The following CACNA2D3 variants were observed in gnomAD, a reference collection of about 807,000 sequenced individuals.
CACNA2D3 encodes voltage-dependent calcium channel subunit alpha-2/delta-3.
CACNA2D3 carries 60 observed loss-of-function variants against 160.6 expected under a neutral mutation model. That is an observed-to-expected ratio of 0.37 (90% confidence interval 0.30 to 0.46). The LOEUF is 0.46. CACNA2D3 is among the 20% of genes least tolerant of loss of function. CACNA2D3 has a pLI of 1.00. For synonymous variants in CACNA2D3, 558 were observed against 492.9 expected (o/e 1.13, Z -1.75); for missense variants, 1,205 against 1,365.0 (o/e 0.88, Z 1.85).
chr3:54,536,209 A>G (rs1701886988), intron 5 of CACNA2D3, among the ~76,000 whole-genome samples: 1 of 152,194 alleles, frequency 6.6e-6, no homozygotes, highest in Admixed American at 6.5e-5. Context: ...GGCATGCCGC[A>G]TACACGAAAC....
intron 4 of CACNA2D3, among the ~76,000 whole-genome samples, chr3:54,388,551 T>C (rs1699227866): frequency 6.6e-6 from 1 of 152,122 alleles, no homozygotes; most frequent in South Asian, 2.1e-4. Flanking sequence ...CTGAGGATGG[T>C]TGGAAACATT....
chr3:54,141,094 C>CGCGCGAGCGCGCACGT (rs768348036), intron 2 of CACNA2D3, among the ~76,000 whole-genome samples: 1 of 81,892 alleles, frequency 1.2e-5, no homozygotes, highest in Non-Finnish European at 3.0e-5. Context: ...TGTGCGCGCG[C>CGCGCGAGCGCGCACGT]GCGCGTGTGT....
intron 29 of CACNA2D3, among the ~76,000 whole-genome samples, chr3:54,984,328 T>A (rs1702569037): frequency 6.7e-6 from 1 of 148,150 alleles, no homozygotes; most frequent in African/African-American, 2.5e-5. Context: ...GAAGACAAAC[T>A]GTAATTCATC....
At chr3:55,042,804 C>G (rs1324545789) in intron 35 of CACNA2D3, among the ~76,000 whole-genome samples, 2 of 152,082 alleles carry the variant, frequency 1.3e-5, no homozygotes, top group African/African-American at 4.8e-5. Context: ...AATCCATTCC[C>G]CCAACCACAG....
At chr3:54,298,677 G>A (rs1703396230) in intron 2 of CACNA2D3, among the ~76,000 whole-genome samples, 1 of 152,080 alleles carries the variant, frequency 6.6e-6, no homozygotes, top group African/African-American at 2.4e-5. Flanking sequence ...GTGCATACCT[G>A]TAGTCCCAGC....
Position 54,149,709 on chromosome 3 carries a change from A to G in CACNA2D3, c.204+26115A>G, listed in dbSNP as rs1290959754. Among the ~76,000 whole-genome samples, 3 of 152,104 alleles carry G rather than the reference A, an allele frequency of 2.0e-5. No homozygotes were observed. In the East Asian group the frequency reaches 5.8e-4, roughly 29 times the overall value. On this transcript the variant is annotated intron_variant, in intron 2 of 37. Transcript: ENST00000474759. ...ACGAGGAGCAGCTTGTAGGGTGAGGACAGCAAGCTCGGTCCCCAGTGTGAT... is the reference window on the plus strand; with the variant it reads ...ACGAGGAGCAGCTTGTAGGGTGAGGGCAGCAAGCTCGGTCCCCAGTGTGAT...
Position 54,451,964 on chromosome 3 carries a change from C to T in CACNA2D3, c.382-51528C>T, listed in dbSNP as rs183963683. ...CTCCAGTGCCCTTTCCTCCTGCATC[C>T]TCCAGTGTCTAACAACTTTCCTCCA... On this transcript the variant is annotated intron_variant, in intron 4 of 37. Transcript: ENST00000474759. Among the ~76,000 whole-genome samples, 655 of 152,304 alleles carry T rather than the reference C, an allele frequency of 4.3e-3. 24 individuals are homozygous for T. Among genetic ancestry groups the T allele is most frequent in the Admixed American group, 0.04 (614 of 15,292 alleles).
chr3:54,754,641 T>G (rs923348576), intron 12 of CACNA2D3, among the ~76,000 whole-genome samples: 1 of 152,098 alleles, frequency 6.6e-6, no homozygotes, highest in Admixed American at 6.5e-5. Context: ...AAAAAATAGG[T>G]AAGTTGACTC....
intron 4 of CACNA2D3, among the ~76,000 whole-genome samples, chr3:54,447,571 T>TTAAA (rs1440091696): frequency 6.6e-6 from 1 of 152,188 alleles, no homozygotes; most frequent in African/African-American, 2.4e-5. Context: ...GAGCTTTTGT[T>TTAAA]TATTTAGATT....
chr3:54,123,622 A>C (rs756470239), intron 2 of CACNA2D3, 28 bp downstream of exon 2: 30 of 1,583,242 alleles, frequency 1.9e-5, no homozygotes, highest in Non-Finnish European at 2.5e-5. Context: ...GCAGGAAGCG[A>C]TGATTTTTCC....
At chr3:54,462,873 A>G (rs1474728296) in intron 4 of CACNA2D3, among the ~76,000 whole-genome samples, 2 of 148,110 alleles carry the variant, frequency 1.4e-5, no homozygotes, top group African/African-American at 4.9e-5. Flanking sequence ...CCTAGTCTCG[A>G]TGTTCTTTAC....
rs553024627 is a variant in CACNA2D3, at chr3:54,299,020, T to C, written c.205-21422T>C. The stretch of plus-strand genomic sequence containing the variant: ...ATGGATGGGCTTTGAAATCTTCCAT[T>C]TGGGTCTGGATCCACAGTCTGCCAT... On this transcript the variant is annotated intron_variant, in intron 2 of 37. Coordinates refer to ENST00000474759, the MANE Select transcript of CACNA2D3 (RefSeq NM_018398.3). 4.7e-5 allele frequency among the ~76,000 whole-genome samples: 7 copies of C among 150,276 alleles called. No individual in the cohort carries two copies. In the South Asian group the frequency reaches 1.3e-3, roughly 27 times the overall value.
At chr3:54,792,668 G>C (rs1702784737) in intron 13 of CACNA2D3, among the ~76,000 whole-genome samples, 2 of 152,014 alleles carry the variant, frequency 1.3e-5, no homozygotes, top group South Asian at 2.1e-4. Context: ...ATAGCCCTCT[G>C]CCCTCAGAAG....
intron 2 of CACNA2D3, among the ~76,000 whole-genome samples, chr3:54,311,822 A>G (rs1703750192): frequency 6.6e-6 from 1 of 152,236 alleles, no homozygotes; most frequent in African/African-American, 2.4e-5. Flanking sequence ...TTGTTGAATG[A>G]AAGAAAATAG....
intron 27 of CACNA2D3, 47 bp from the exon 28 acceptor site, chr3:54,968,403 G>A (rs765327231): frequency 2.4e-5 from 29 of 1,221,648 alleles, no homozygotes; most frequent in Non-Finnish European, 3.0e-5. Context: ...TTAAATAATT[G>A]TGTAAAGGGA....
intron 14 of CACNA2D3, among the ~76,000 whole-genome samples, chr3:54,834,158 C>G (rs563727911): frequency 6.6e-6 from 1 of 152,174 alleles, no homozygotes; most frequent in South Asian, 2.1e-4. Context: ...GTCTTTGTGC[C>G]AGGACAATTA....
intron 9 of CACNA2D3, among the ~76,000 whole-genome samples, chr3:54,625,428 A>T (rs1699075800): frequency 6.6e-6 from 1 of 152,236 alleles, no homozygotes; most frequent in South Asian, 2.1e-4. Context: ...CACAGTTCTC[A>T]GTCTATCTGT....
chr3:54,945,052 A>G (rs1701578572), intron 27 of CACNA2D3, among the ~76,000 whole-genome samples: 1 of 152,114 alleles, frequency 6.6e-6, no homozygotes, highest in Non-Finnish European at 1.5e-5. Context: ...AGATGACAGT[A>G]ATTCTAGGCC....
In CACNA2D3 at chr3:54,705,494, T is replaced by C. The variant is rs143611235; in HGVS notation, c.1168-47105T>C. ...ACAGGTTTTTTCTTGTTGTTCTGAT[T>C]TGCTCCTTTGTTTGTTTTGAGTGAA... On this transcript the variant is annotated intron_variant, in intron 11 of 37. Coordinates refer to ENST00000474759, the MANE Select transcript of CACNA2D3 (RefSeq NM_018398.3). Among the ~76,000 whole-genome samples, 764 of 152,332 alleles carry C rather than the reference T, an allele frequency of 5.0e-3. 6 individuals are homozygous for C. Among genetic ancestry groups the C allele is most frequent in the African/African-American group, 0.017 (710 of 41,574 alleles).
Sources: allele counts gnomAD v4.1 joint callset (sites outside exome capture counted in the v4.1 genomes callset), GRCh38; gene constraint gnomAD v4.1.1; transcripts MANE v1.5; gene names NCBI Gene and HGNC (gene_info 2026-07-23, HGNC 2026-07-21).